BCL11B: variants seen among roughly 807,000 people sequenced by gnomAD.
BCL11B encodes BCL11 transcription factor B.
Under a neutral mutation model 49.9 loss-of-function variants are expected in BCL11B, and 8 were observed. The observed-to-expected ratio is 0.16, with a 90% confidence interval of 0.09 to 0.29. The LOEUF is 0.29. Ranked by LOEUF, BCL11B falls within the 10% of genes least tolerant of loss-of-function variation. The probability of loss-of-function intolerance (pLI) is 1.00; values close to 1 mark genes in which losing one functional copy is unlikely to be tolerated. For synonymous variants in BCL11B, 739 were observed against 637.4 expected (o/e 1.16, Z -2.40); for missense variants, 1,006 against 1,351.0 (o/e 0.74, Z 4.00).
intron 3 of BCL11B, among the ~76,000 whole-genome samples, chr14:99,203,395 G>A (rs1283648537): frequency 6.6e-6 from 1 of 152,186 alleles, no homozygotes; most frequent in African/African-American, 2.4e-5. Flanking sequence ...TGACATGCAT[G>A]CCTGGGGCCA....
At chr14:99,230,890 T>A (rs1247351883) in intron 3 of BCL11B, among the ~76,000 whole-genome samples, 1 of 151,952 alleles carries the variant, frequency 6.6e-6, no homozygotes, top group East Asian at 1.9e-4. Flanking sequence ...CAACACATTC[T>A]CCCAAAGAGA....
chr14:99,197,682 A>G (rs1230898949), intron 3 of BCL11B, among the ~76,000 whole-genome samples: 2 of 152,168 alleles, frequency 1.3e-5, no homozygotes, highest in African/African-American at 4.8e-5. Context: ...CGTGAATAGA[A>G]TATGATTATT....
intron 2 of BCL11B, among the ~76,000 whole-genome samples, chr14:99,236,872 T>C (rs1888516033): frequency 6.6e-6 from 1 of 152,236 alleles, no homozygotes; most frequent in South Asian, 2.1e-4. Flanking sequence ...AAGCACATAA[T>C]AACAGTATTA....
At position 99,221,674 on chromosome 14, in the gene BCL11B, G is replaced by A. The variant is rs901390654; in HGVS notation, c.640+9671C>T. 5.3e-5 allele frequency among the ~76,000 whole-genome samples: 8 copies of A among 152,260 alleles called. No individual in the cohort carries two copies. The South Asian group carries it at 6.2e-4, about 12-fold the overall frequency. On this transcript the variant is annotated intron_variant, in intron 3 of 3. Transcript: ENST00000357195. ...CTTGGATTCAAATCCCACCTGTGCC[G>A]TCCACCAGACGCGCAAGGAAAGCAA...
chr14:99,201,082 T>A (rs1411226613), intron 3 of BCL11B, among the ~76,000 whole-genome samples: 1 of 152,128 alleles, frequency 6.6e-6, no homozygotes, highest in African/African-American at 2.4e-5. Context: ...GCCTCCAGCA[T>A]TTTCCTAAGA....
At chr14:99,178,213 T>C (rs897831064) in intron 3 of BCL11B, among the ~76,000 whole-genome samples, 7 of 152,184 alleles carry the variant, frequency 4.6e-5, no homozygotes, top group African/African-American at 1.7e-4. Context: ...TCTCCTATTC[T>C]GTGTGTTTGG....
intron 3 of BCL11B, among the ~76,000 whole-genome samples, chr14:99,201,127 G>A (rs1887369706): frequency 1.3e-5 from 2 of 152,320 alleles, no homozygotes; most frequent in African/African-American, 4.8e-5. Flanking sequence ...CCAGTTCTCC[G>A]AGGGAAGTGG....
chr14:99,179,984 C>T lies in BCL11B; in HGVS notation c.641-3789G>A, dbSNP rs201632710. On this transcript the variant is annotated intron_variant, in intron 3 of 3. Coordinates refer to ENST00000357195, the MANE Select transcript of BCL11B (RefSeq NM_138576.4). ...CGCTAAATATTTTAAACACATGGCA[C>T]GCAGTCTCAGACGGCTCATTTTTAA... 6.6e-5 allele frequency among the ~76,000 whole-genome samples: 10 copies of T among 152,294 alleles called. No individual in the cohort carries two copies. The East Asian group carries it at 1.9e-3, about 29-fold the overall frequency.
intron 1 of BCL11B, among the ~76,000 whole-genome samples, chr14:99,266,688 GC>G (rs1889492407): frequency 6.6e-6 from 1 of 152,240 alleles, no homozygotes; most frequent in Non-Finnish European, 1.5e-5. Context: ...CCCGTTCCTA[GC>G]CCATTGTAGC....
chr14:99,252,855 C>T (rs952632620), intron 2 of BCL11B, among the ~76,000 whole-genome samples: 18 of 152,364 alleles, frequency 1.2e-4, no homozygotes, highest in African/African-American at 4.1e-4. Flanking sequence ...GGTGATCAAG[C>T]GCCTCCCCTT....
chr14:99,221,468 C>T (rs1399680079), intron 3 of BCL11B, among the ~76,000 whole-genome samples: 3 of 152,218 alleles, frequency 2.0e-5, no homozygotes, highest in Non-Finnish European at 2.9e-5. Flanking sequence ...ACAATACTGG[C>T]GTTCTAATTA....
At chr14:99,224,825 C>G (rs1247622284) in intron 3 of BCL11B, among the ~76,000 whole-genome samples, 1 of 152,160 alleles carries the variant, frequency 6.6e-6, no homozygotes, top group African/African-American at 2.4e-5. Context: ...AGGGAAGGAC[C>G]GAGGATGGCC....
intron 2 of BCL11B, among the ~76,000 whole-genome samples, chr14:99,240,261 C>G (rs1484883713): frequency 6.6e-6 from 1 of 152,112 alleles, no homozygotes; most frequent in East Asian, 1.9e-4. Context: ...TTTAAATGCA[C>G]ATTTTGTTTT....
In BCL11B at chr14:99,242,003, A is replaced by G. The variant is rs944298599; in HGVS notation, c.428-10446T>C. 2.6e-5 allele frequency among the ~76,000 whole-genome samples: 4 copies of G among 152,294 alleles called. No individual in the cohort carries two copies. Among genetic ancestry groups the G allele is most frequent in the East Asian group, 1.9e-4 (1 of 5,178 alleles). On this transcript the variant is annotated intron_variant, in intron 2 of 3. Coordinates refer to ENST00000357195, the MANE Select transcript of BCL11B (RefSeq NM_138576.4). The surrounding 1 kb of genome is among the most constrained non-coding windows in gnomAD (Gnocchi z 4.4). ...ACGTGTCTGTCCTCCACTCGACTAC[A>G]AGCCCACTTGGGTTTAAGGAAAGGG...
At chr14:99,233,952 C>A (rs541679217) in intron 2 of BCL11B, among the ~76,000 whole-genome samples, 2 of 152,180 alleles carry the variant, frequency 1.3e-5, no homozygotes, top group South Asian at 2.1e-4. Context: ...TCCCAGAGCA[C>A]CTTCTACACT....
intron 3 of BCL11B, 81 bp from the exon 4 acceptor site, chr14:99,176,276 G>T (rs1886526859): frequency 8.3e-6 from 11 of 1,317,640 alleles, no homozygotes; most frequent in South Asian, 1.4e-5. Flanking sequence ...CCACTGGCCT[G>T]GGGGACGCGG....
intron 3 of BCL11B, among the ~76,000 whole-genome samples, chr14:99,181,133 C>T (rs1438781119): frequency 1.3e-5 from 2 of 152,196 alleles, no homozygotes; most frequent in Non-Finnish European, 2.9e-5. Context: ...AAGGGAAGGG[C>T]ATTCCTGCCT....
Position 99,271,507 on chromosome 14 carries a change from A to G in BCL11B, c.-289T>C, listed in dbSNP as rs935337974. 2.2e-4 allele frequency: 41 copies of G among 184,892 alleles called. No individual in the cohort carries two copies. The highest frequency in any genetic ancestry group is 9.4e-4 in the African/African-American group (38 of 40,286). 11.5% of individuals were successfully genotyped at this position (184,892 alleles called of 1,614,324 possible). A position where few individuals can be genotyped will look rare whatever the true frequency, so the allele number is the denominator to read the frequency against. ...AAAAACCTCTCGATCTAAAATAAGA[A>G]AAAGAGGCAAAAAAAAAAAAAACTG... On this transcript the variant is annotated 5_prime_UTR_variant, in exon 1 of 4. Transcript: ENST00000357195.
chr14:99,199,683 T>TGTGTGTGTGTGCGC (rs759599743), intron 3 of BCL11B, among the ~76,000 whole-genome samples: 3 of 73,738 alleles, frequency 4.1e-5, no homozygotes, highest in African/African-American at 1.0e-4. Flanking sequence ...TGTGTGTGTG[T>TGTGTGTGTGTGCGC]GCGCGCGCGC....
Sources: gnomAD v4.1 joint callset for allele counts (sites outside exome capture counted in the v4.1 genomes callset) on GRCh38, gnomAD v4.1.1 for gene constraint, Gnocchi (gnomAD v3.1) non-coding constraint, MANE v1.5 for transcripts, NCBI Gene and HGNC (gene_info 2026-07-23, HGNC 2026-07-21) for gene names.